APBB2: variants seen among roughly 807,000 people sequenced by gnomAD.
APBB2 encodes the protein Fe65-like 1.
Under a neutral mutation model 82.5 loss-of-function variants are expected in APBB2, and 38 were observed. The ratio of observed to expected loss-of-function variants is 0.46; its 90% CI spans 0.36 to 0.60. The LOEUF (loss-of-function observed/expected upper bound fraction) is 0.60. Among genes scored for constraint, APBB2 ranks in the 20% least tolerant of loss-of-function variants. The pLI is 0.00. For missense variants in APBB2, 772 were observed against 972.3 expected (o/e 0.79, Z 2.74); for synonymous variants, 341 against 368.2 (o/e 0.93, Z 0.85).
intron 6 of APBB2, among the ~76,000 whole-genome samples, 164 bp from the exon 7 acceptor site, chr4:40,945,237 G>A (rs1788063005): frequency 2.0e-5 from 3 of 152,200 alleles, no homozygotes; most frequent in Admixed American, 6.5e-5. Context: ...GTGTGTGGCT[G>A]TACTTGGTAA....
At chr4:40,935,237 T>C in intron 7 of APBB2, 98 bp from the exon 8 acceptor site, 1 of 902,742 alleles carries the variant, frequency 1.1e-6, no homozygotes, top group Non-Finnish European at 1.7e-6. Flanking sequence ...TTGTTAGCAT[T>C]GATATTCACA....
chr4:40,966,224 G>A (rs1794616332), intron 6 of APBB2, among the ~76,000 whole-genome samples: 1 of 152,156 alleles, frequency 6.6e-6, no homozygotes, highest in South Asian at 2.1e-4. Context: ...TCTGTCACAT[G>A]TGTACTATTT....
intron 12 of APBB2, among the ~76,000 whole-genome samples, chr4:40,889,981 G>A (rs1771498761): frequency 6.6e-6 from 1 of 152,288 alleles, no homozygotes; most frequent in African/African-American, 2.4e-5. Flanking sequence ...AGCAGCAGGA[G>A]GGCCTCTGAA....
chr4:41,049,554 T>TG (rs1321278705), intron 4 of APBB2, among the ~76,000 whole-genome samples: 11 of 144,842 alleles, frequency 7.6e-5, no homozygotes, highest in South Asian at 6.5e-4. Flanking sequence ...GGGAGGGAGG[T>TG]GGGGGGCGCC....
intron 6 of APBB2, among the ~76,000 whole-genome samples, chr4:40,957,037 G>A (rs11731282): frequency 0.23 from 34,445 of 152,086 alleles, 4,279 homozygotes; most frequent in African/African-American, 0.31. Flanking sequence ...TGTGACCTCA[G>A]AGAAAATGGC....
chr4:40,936,884 G>A (rs994516628), intron 7 of APBB2, among the ~76,000 whole-genome samples: 13 of 152,168 alleles, frequency 8.5e-5, no homozygotes, highest in Non-Finnish European at 1.9e-4. Context: ...ATGAACCCCT[G>A]AAATGGGTGC....
intron 5 of APBB2, among the ~76,000 whole-genome samples, chr4:41,027,182 C>T (rs1714633373): frequency 6.6e-6 from 1 of 152,006 alleles, no homozygotes; most frequent in African/African-American, 2.4e-5. Flanking sequence ...CTTAGCAATA[C>T]CTGCCCTCTC....
chr4:41,123,102 C>T (rs1388586186), intron 2 of APBB2, among the ~76,000 whole-genome samples: 9 of 148,368 alleles, frequency 6.1e-5, no homozygotes, highest in African/African-American at 2.3e-4. Context: ...CTTGCCCCAG[C>T]TCTCTCTCTC....
chr4:41,017,322 T>A (rs1810269081), intron 5 of APBB2, among the ~76,000 whole-genome samples: 1 of 152,156 alleles, frequency 6.6e-6, no homozygotes, highest in Non-Finnish European at 1.5e-5. Flanking sequence ...GCCAAGCTAA[T>A]CCCATGAACT....
At chr4:41,131,708 A>G (rs1756044968) in intron 2 of APBB2, among the ~76,000 whole-genome samples, 1 of 152,190 alleles carries the variant, frequency 6.6e-6, no homozygotes, top group African/African-American at 2.4e-5. Flanking sequence ...TAAAATTCTT[A>G]TGAAATTAGA....
intron 5 of APBB2, among the ~76,000 whole-genome samples, chr4:41,015,769 G>C (rs1054783313): frequency 6.6e-6 from 1 of 151,934 alleles, no homozygotes; most frequent in Non-Finnish European, 1.5e-5. Context: ...ATTATTTATC[G>C]GGATTCCTTC....
intron 12 of APBB2, among the ~76,000 whole-genome samples, chr4:40,878,377 A>G (rs1446190745): frequency 6.6e-6 from 1 of 152,084 alleles, no homozygotes; most frequent in Non-Finnish European, 1.5e-5. Context: ...AACAAAAAAA[A>G]CAAAATAAAA....
intron 1 of APBB2, among the ~76,000 whole-genome samples, chr4:41,166,357 T>C (rs963936677): frequency 5.3e-5 from 8 of 150,778 alleles, no homozygotes; most frequent in African/African-American, 1.9e-4. Flanking sequence ...AGCTGTATTC[T>C]ATGGGCAAAA....
chr4:41,202,764 T>C (rs908467127), intron 1 of APBB2, among the ~76,000 whole-genome samples: 3 of 152,236 alleles, frequency 2.0e-5, no homozygotes, highest in Non-Finnish European at 4.4e-5. Flanking sequence ...TACCCAGCTC[T>C]CCTGTTGTAG....
intron 6 of APBB2, among the ~76,000 whole-genome samples, chr4:40,973,466 T>A (rs1337982178): frequency 6.6e-6 from 1 of 152,244 alleles, no homozygotes; most frequent in Non-Finnish European, 1.5e-5. Context: ...TTTTCTTAAG[T>A]GTGCTCTCAC....
At chr4:40,831,780 GC>G (rs1018637771) in intron 12 of APBB2, among the ~76,000 whole-genome samples, 1 of 152,114 alleles carries the variant, frequency 6.6e-6, no homozygotes, top group Non-Finnish European at 1.5e-5. Flanking sequence ...AGATCTCAGA[GC>G]GACGGCAGCG....
At chr4:40,956,865 T>C (rs1791761666) in intron 6 of APBB2, among the ~76,000 whole-genome samples, 1 of 152,196 alleles carries the variant, frequency 6.6e-6, no homozygotes, top group African/African-American at 2.4e-5. Context: ...CATGTTGGCA[T>C]AAAATCAACA....
intron 1 of APBB2, among the ~76,000 whole-genome samples, chr4:41,162,069 A>G (rs1193814054): frequency 3.3e-5 from 5 of 152,288 alleles, no homozygotes; most frequent in Admixed American, 6.5e-5. Context: ...ATTTCAGCAT[A>G]TATCTCTTAA....
At chr4:40,972,302 C>A (rs930590889) in intron 6 of APBB2, among the ~76,000 whole-genome samples, 3 of 151,984 alleles carry the variant, frequency 2.0e-5, no homozygotes, top group African/African-American at 7.3e-5. Flanking sequence ...GTGGCGGGCG[C>A]CTGTAATCCC....
Sources: gnomAD v4.1 joint callset for allele counts (sites outside exome capture counted in the v4.1 genomes callset) on GRCh38, gnomAD v4.1.1 for gene constraint, MANE v1.5 for transcripts, NCBI Gene and HGNC (gene_info 2026-07-23, HGNC 2026-07-21) for gene names.